The following PRKG1 variants were observed in gnomAD, a reference collection of about 807,000 sequenced individuals.
PRKG1 encodes cGMP-dependent protein kinase 1.
Under a neutral mutation model 88.1 loss-of-function variants are expected in PRKG1, and 35 were observed. The observed-to-expected ratio is 0.40, with a 90% CI of 0.30 to 0.53. The LOEUF is 0.53. Among genes scored for constraint, PRKG1 ranks in the 20% least tolerant of loss-of-function variants. PRKG1 has a pLI of 0.59. For missense variants in PRKG1, 540 were observed against 839.8 expected (o/e 0.64, Z 4.41); for synonymous variants, 303 against 292.5 (o/e 1.04, Z -0.37).
intron 4 of PRKG1, among the ~76,000 whole-genome samples, chr10:51,815,312 A>C (rs1839557091): frequency 1.3e-5 from 2 of 152,202 alleles, no homozygotes; most frequent in South Asian, 4.1e-4. Context: ...TTTTGTACAC[A>C]GAGGATTAGT....
chr10:51,141,918 T>C (rs1229315939), intron 1 of PRKG1, among the ~76,000 whole-genome samples: 1 of 152,194 alleles, frequency 6.6e-6, no homozygotes, highest in Non-Finnish European at 1.5e-5. Flanking sequence ...TTATAGGTCA[T>C]TAGTTACATT....
intron 5 of PRKG1, among the ~76,000 whole-genome samples, chr10:51,950,748 G>A (rs1405907585): frequency 6.6e-6 from 1 of 152,258 alleles, no homozygotes; most frequent in Non-Finnish European, 1.5e-5. Context: ...GCATGGAGCA[G>A]CTGCCCTTCA....
intron 2 of PRKG1, among the ~76,000 whole-genome samples, chr10:51,263,924 A>G (rs1012840308): frequency 2.0e-5 from 3 of 152,238 alleles, no homozygotes; most frequent in Admixed American, 2.0e-4. Context: ...ATGGTAATCC[A>G]TAATATATTA....
intron 3 of PRKG1, among the ~76,000 whole-genome samples, chr10:51,731,957 C>A (rs767112408): frequency 6.6e-6 from 1 of 152,070 alleles, no homozygotes; most frequent in Non-Finnish European, 1.5e-5. Flanking sequence ...GGGTGCATGG[C>A]CCCCTGGGGT....
chr10:52,207,138 A>G lies in PRKG1; in HGVS notation c.1077-44432A>G, dbSNP rs995888495. On this transcript the variant is annotated intron_variant, in intron 9 of 17. Coordinates refer to ENST00000373980, the MANE Select transcript of PRKG1 (RefSeq NM_006258.4). ...TGGAATGTGCTCATGTTGCATGCAC[A>G]CATGTGTGCCAGCAGGGGAGGGGAG... is the stretch of plus-strand genomic sequence containing the variant. 3.9e-5 allele frequency among the ~76,000 whole-genome samples: 6 copies of G among 152,216 alleles called. No homozygotes were observed. In the East Asian group the frequency reaches 9.6e-4, roughly 24 times the overall value.
At chr10:51,746,359 T>C (rs1837577936) in intron 3 of PRKG1, among the ~76,000 whole-genome samples, 1 of 151,922 alleles carries the variant, frequency 6.6e-6, no homozygotes, top group African/African-American at 2.4e-5. Flanking sequence ...CCCTTACCTG[T>C]GGGCCATTCT....
chr10:51,432,647 G>C (rs913420320), intron 2 of PRKG1, among the ~76,000 whole-genome samples: 1 of 152,122 alleles, frequency 6.6e-6, no homozygotes, highest in Non-Finnish European at 1.5e-5. Flanking sequence ...GGTCTACCAG[G>C]GGCAGAGCTC....
chr10:51,266,683 C>T (rs1839844008), intron 2 of PRKG1, among the ~76,000 whole-genome samples: 1 of 152,112 alleles, frequency 6.6e-6, no homozygotes, highest in Admixed American at 6.5e-5. Flanking sequence ...TTTATTAAAA[C>T]AGAATGGAAT....
At chr10:51,392,448 G>A (rs1282695132) in intron 2 of PRKG1, among the ~76,000 whole-genome samples, 1 of 152,182 alleles carries the variant, frequency 6.6e-6, no homozygotes, top group Admixed American at 6.5e-5. Flanking sequence ...CGGGTTGGGG[G>A]TAAGGTCACA....
At chr10:52,058,935 T>C (rs1354326626) in intron 6 of PRKG1, among the ~76,000 whole-genome samples, 3 of 151,872 alleles carry the variant, frequency 2.0e-5, no homozygotes, top group African/African-American at 7.2e-5. Flanking sequence ...CTATCCTTTA[T>C]TGATCCTATT....
chr10:51,320,093 AAACACATG>A (rs1841417234), intron 2 of PRKG1: 1 of 171,168 alleles, frequency 5.8e-6, no homozygotes, highest in Non-Finnish European at 1.4e-5. Context: ...TCAGAAACTC[AAACACATG>A]AACCTGGGCA....
intron 2 of PRKG1, among the ~76,000 whole-genome samples, chr10:51,448,416 T>G (rs2132764433): frequency 6.6e-6 from 1 of 152,214 alleles, no homozygotes; most frequent in East Asian, 1.9e-4. Flanking sequence ...AATCTATCCC[T>G]GCTTTTAATT....
intron 2 of PRKG1, among the ~76,000 whole-genome samples, chr10:51,389,460 T>C (rs1231231850): frequency 6.6e-6 from 1 of 152,094 alleles, no homozygotes; most frequent in African/African-American, 2.4e-5. Context: ...AAATTTCATC[T>C]CTATTGATCA....
At chr10:51,093,319 T>C (rs937087261) in intron 1 of PRKG1, among the ~76,000 whole-genome samples, 2 of 152,020 alleles carry the variant, frequency 1.3e-5, no homozygotes, top group Non-Finnish European at 2.9e-5. Context: ...TGGAATAATA[T>C]AGGATGGGAA....
At chr10:52,240,557 C>A (rs770758574) in intron 9 of PRKG1, among the ~76,000 whole-genome samples, 23 of 152,088 alleles carry the variant, frequency 1.5e-4, no homozygotes, top group Non-Finnish European at 2.9e-4. Flanking sequence ...TTTATTGATA[C>A]ACCATTCAGT....
At chr10:51,276,306 A>G (rs1414959026) in intron 2 of PRKG1, among the ~76,000 whole-genome samples, 1 of 152,122 alleles carries the variant, frequency 6.6e-6, no homozygotes, top group Non-Finnish European at 1.5e-5. Flanking sequence ...ATCCTTTTTT[A>G]TGGCTGCATA....
intron 2 of PRKG1, among the ~76,000 whole-genome samples, chr10:51,217,358 G>A (rs111812256): frequency 2.6e-5 from 4 of 152,004 alleles, no homozygotes; most frequent in African/African-American, 2.4e-5. Context: ...GTTTAAGAAC[G>A]CATTACCTAA....
In PRKG1 at chr10:51,807,291, T is replaced by A. The variant is rs747340566; in HGVS notation, c.698+2601T>A. ...ATTAAAGACCTTGACAGCACAGCATTAAATCAAATGTAGGAACCTTGTAAG... is the reference window on the plus strand; with the variant it reads ...ATTAAAGACCTTGACAGCACAGCATAAAATCAAATGTAGGAACCTTGTAAG... On this transcript the variant is annotated intron_variant, in intron 4 of 17. Coordinates refer to ENST00000373980, the MANE Select transcript of PRKG1 (RefSeq NM_006258.4). Among the ~76,000 whole-genome samples, 68 of 152,224 alleles carry A rather than the reference T, an allele frequency of 4.5e-4. 1 individual carries two copies. Among genetic ancestry groups the A allele is most frequent in the Non-Finnish European group, 1.2e-4 (8 of 68,014 alleles).
chr10:51,314,191 G>A (rs1841263060), intron 2 of PRKG1, among the ~76,000 whole-genome samples: 1 of 152,150 alleles, frequency 6.6e-6, no homozygotes, highest in Non-Finnish European at 1.5e-5. Context: ...CAACGTCATG[G>A]TACAGCCAGG....
Sources: allele counts gnomAD v4.1 joint callset (sites outside exome capture counted in the v4.1 genomes callset), GRCh38; gene constraint gnomAD v4.1.1; transcripts MANE v1.5; gene names NCBI Gene and HGNC (gene_info 2026-07-23, HGNC 2026-07-21).